Variants in TFCP2L1 observed in about 807,000 individuals in gnomAD.
The protein encoded by TFCP2L1 is transcription factor CP2-like protein 1.
TFCP2L1 carries 12 observed loss-of-function variants against 72.2 expected under a neutral mutation model. The observed-to-expected ratio is 0.17, with a 90% confidence interval of 0.11 to 0.27. The LOEUF (loss-of-function observed/expected upper bound fraction) is 0.27. Ranked by LOEUF, TFCP2L1 falls within the 10% of genes least tolerant of loss-of-function variation. TFCP2L1 has a pLI of 1.00. For missense variants in TFCP2L1, 488 were observed against 624.6 expected (o/e 0.78, Z 2.33); for synonymous variants, 260 against 251.0 (o/e 1.04, Z -0.34).
At chr2:121,277,920 T>G (rs1687177992) in intron 2 of TFCP2L1, among the ~76,000 whole-genome samples, 1 of 152,202 alleles carries the variant, frequency 6.6e-6, no homozygotes, top group African/African-American at 2.4e-5. Context: ...TTATTCAAAC[T>G]TTCTATAAAG....
chr2:121,248,065 T>C, intron 5 of TFCP2L1, 99 bp downstream of exon 5: 1 of 925,316 alleles, frequency 1.1e-6, no homozygotes, highest in Non-Finnish European at 1.6e-6. Flanking sequence ...GAGCAGAAGC[T>C]CATCCAGACC....
At chr2:121,266,406 A>AATC (rs1223032785) in intron 2 of TFCP2L1, among the ~76,000 whole-genome samples, 3 of 152,186 alleles carry the variant, frequency 2.0e-5, no homozygotes. Flanking sequence ...GTACCATATA[A>AATC]ATCATAACCC....
chr2:121,275,727 C>T (rs1687133961), intron 2 of TFCP2L1, among the ~76,000 whole-genome samples: 1 of 151,996 alleles, frequency 6.6e-6, no homozygotes, highest in Non-Finnish European at 1.5e-5. Context: ...CCCGCCATCA[C>T]GCCCAGCTGA....
intron 2 of TFCP2L1, among the ~76,000 whole-genome samples, chr2:121,278,728 G>C (rs1158073871): frequency 1.3e-5 from 2 of 150,034 alleles, no homozygotes; most frequent in Non-Finnish European, 3.0e-5. Flanking sequence ...GGGTGGCCAG[G>C]CCTGGTGGCT....
At position 121,220,364 on chromosome 2, in the gene TFCP2L1, T is replaced by TC. The variant is rs1189125717; in HGVS notation, c.*3976dup. ...CCTTTCCACAGGCATACCATGCCCC[T>TC]CCTCCAGCAAACCTATTATTCCTCC... On this transcript the variant is annotated 3_prime_UTR_variant, in exon 15 of 15. Transcript: ENST00000263707. The TC allele has an allele frequency of 6.6e-6, 1 of 152,194 alleles. No homozygotes were observed. The highest frequency in any genetic ancestry group is 2.4e-5 in the African/African-American group (1 of 41,424). 9.4% of individuals were successfully genotyped at this position (152,194 alleles called of 1,614,324 possible).
intron 1 of TFCP2L1, among the ~76,000 whole-genome samples, chr2:121,282,150 C>T (rs561054177): frequency 4.5e-4 from 69 of 151,870 alleles, no homozygotes; most frequent in African/African-American, 1.6e-3. Context: ...TCAGGCTGGT[C>T]ACTAACTCCT....
At chr2:121,245,272 T>A (rs983081060) in intron 6 of TFCP2L1, among the ~76,000 whole-genome samples, 1 of 152,120 alleles carries the variant, frequency 6.6e-6, no homozygotes, top group Non-Finnish European at 1.5e-5. Context: ...GAAGCTGGAA[T>A]AGGCAAGAGC....
At chr2:121,259,995 G>C (rs1686801352) in intron 2 of TFCP2L1, among the ~76,000 whole-genome samples, 1 of 152,174 alleles carries the variant, frequency 6.6e-6, no homozygotes, top group African/African-American at 2.4e-5. Context: ...GGTACCCAAA[G>C]GCCAATCAGA....
chr2:121,228,522 G>A (rs1051126856), intron 13 of TFCP2L1, among the ~76,000 whole-genome samples: 1 of 151,672 alleles, frequency 6.6e-6, no homozygotes, highest in African/African-American at 2.4e-5. Flanking sequence ...CACCTTGAGA[G>A]GCCAAGGCAG....
chr2:121,285,022 C>CCGCGGGGACCG, intron 1 of TFCP2L1, 26 bp downstream of exon 1: 1 of 1,470,278 alleles, frequency 6.8e-7, no homozygotes, highest in South Asian at 1.3e-5. Context: ...GGCCCGAGAC[C>CCGCGGGGACCG]CGCGGGGACC....
chr2:121,224,408 G>A (rs1685981824), intron 14 of TFCP2L1, 21 bp from the exon 15 acceptor site: 2 of 1,613,012 alleles, frequency 1.2e-6, no homozygotes, highest in Non-Finnish European at 1.7e-6. Context: ...GAAACACTGG[G>A]TGTATTTCAC....
At chr2:121,239,804 C>A (rs527780144) in intron 7 of TFCP2L1, among the ~76,000 whole-genome samples, 155 bp from the exon 8 acceptor site, 1 of 152,288 alleles carries the variant, frequency 6.6e-6, no homozygotes, top group East Asian at 1.9e-4. Context: ...TGAGCCACGG[C>A]AAGGCAGGTT....
At chr2:121,255,745 A>T (rs976947008) in intron 2 of TFCP2L1, among the ~76,000 whole-genome samples, 13 of 141,528 alleles carry the variant, frequency 9.2e-5, no homozygotes, top group East Asian at 8.3e-4. Flanking sequence ...CCCTGAACTT[A>T]TTTTTTTTTT....
chr2:121,234,144 T>C lies in TFCP2L1; in HGVS notation c.1145A>G (p.Asn382Ser). ...TIYVCQELEQ[N>S]RVPLQQKRDG... ...CCGCTTCTGCTGCAGGGGCACTCGA[T>C]TCTGCTCCAGCTCCTGACAGACATA... is the stretch of plus-strand genomic sequence containing the variant. Residue 382 changes from asparagine (N) to serine (S), a missense_variant, in exon 12 of 15, where the codon AAT becomes AGT. Coordinates refer to ENST00000263707, the MANE Select transcript of TFCP2L1 (RefSeq NM_014553.3). 6.2e-7 allele frequency: 1 copy of C among 1,614,166 alleles called. No homozygotes were observed. Among genetic ancestry groups the C allele is most frequent in the Non-Finnish European group, 8.5e-7 (1 of 1,180,038 alleles).
chr2:121,225,829 G>A (rs1475384770), intron 13 of TFCP2L1, among the ~76,000 whole-genome samples: 1 of 148,138 alleles, frequency 6.8e-6, no homozygotes, highest in Non-Finnish European at 1.5e-5. Context: ...CACACACACG[G>A]GAACACGGTA....
intron 2 of TFCP2L1, among the ~76,000 whole-genome samples, chr2:121,264,515 G>T (rs1236432732): frequency 6.6e-6 from 1 of 152,188 alleles, no homozygotes; most frequent in African/African-American, 2.4e-5. Flanking sequence ...CCTCCTGGGA[G>T]TGCAGAATCA....
chr2:121,226,038 C>T (rs1219566367), intron 13 of TFCP2L1, among the ~76,000 whole-genome samples: 3 of 140,780 alleles, frequency 2.1e-5, no homozygotes, highest in Non-Finnish European at 3.1e-5. Context: ...CACACGGGAA[C>T]GTGGTAAACA....
At chr2:121,263,672 G>C (rs921702647) in intron 2 of TFCP2L1, among the ~76,000 whole-genome samples, 5 of 152,166 alleles carry the variant, frequency 3.3e-5, no homozygotes, top group African/African-American at 1.2e-4. Context: ...GATATAAACA[G>C]GTACTATCTC....
intron 2 of TFCP2L1, among the ~76,000 whole-genome samples, chr2:121,251,853 A>G (rs1250277549): frequency 1.3e-5 from 2 of 152,234 alleles, no homozygotes; most frequent in Non-Finnish European, 2.9e-5. Flanking sequence ...AACATGAATG[A>G]CTATCAGATA....
Sources: allele counts gnomAD v4.1 joint callset (sites outside exome capture counted in the v4.1 genomes callset), GRCh38; gene constraint gnomAD v4.1.1; transcripts MANE v1.5; gene names NCBI Gene and HGNC (gene_info 2026-07-23, HGNC 2026-07-21).